The following CPA6 variants were observed in gnomAD, a reference collection of about 807,000 sequenced individuals.
The protein encoded by CPA6 is carboxypeptidase B.
Under a neutral mutation model 63.3 loss-of-function variants are expected in CPA6, and 58 were observed. That is an observed-to-expected ratio of 0.92 (90% CI 0.74 to 1.14). The LOEUF (loss-of-function observed/expected upper bound fraction) is 1.14, where lower values mean the gene tolerates loss of function less well. Ranked by LOEUF, CPA6 falls within the 50% of genes most tolerant of loss-of-function variation. The probability of loss-of-function intolerance (pLI) is 0.00; values close to 1 mark genes in which losing one functional copy is unlikely to be tolerated. For missense variants in CPA6, 565 were observed against 526.6 expected, an observed-to-expected ratio of 1.07 and a Z score of -0.71; for synonymous variants, 185 against 179.0, an observed-to-expected ratio of 1.03 and a Z score of -0.27.
At chr8:67,485,096 A>G (rs1219069252) in intron 6 of CPA6, among the ~76,000 whole-genome samples, 1 of 152,196 alleles carries the variant, frequency 6.6e-6, no homozygotes, top group Non-Finnish European at 1.5e-5. Context: ...TAGGATTTGT[A>G]TAACCACCTG....
intron 8 of CPA6, among the ~76,000 whole-genome samples, chr8:67,476,553 CTTT>C (rs71554607): frequency 1.4e-5 from 2 of 142,010 alleles, no homozygotes; most frequent in African/African-American, 5.2e-5. Context: ...CTCTCTCTCT[CTTT>C]TTTTTTTTTT....
chr8:67,489,618 C>A (rs1420684805), intron 6 of CPA6, among the ~76,000 whole-genome samples: 1 of 151,900 alleles, frequency 6.6e-6, no homozygotes, highest in Non-Finnish European at 1.5e-5. Flanking sequence ...AGAATATAAT[C>A]AATTGTTGTG....
chr8:67,550,201 C>T (rs1305564546), intron 2 of CPA6, among the ~76,000 whole-genome samples: 1 of 152,088 alleles, frequency 6.6e-6, no homozygotes, highest in African/African-American at 2.4e-5. Context: ...CTCCCTTTCT[C>T]CCCTTTTTGT....
chr8:67,528,889 G>A (rs960251659), intron 2 of CPA6, among the ~76,000 whole-genome samples: 5 of 151,536 alleles, frequency 3.3e-5, no homozygotes, highest in African/African-American at 9.7e-5. Flanking sequence ...TCTTAATGTT[G>A]GTATGTTCTG....
intron 2 of CPA6, among the ~76,000 whole-genome samples, chr8:67,592,323 G>T (rs995190438): frequency 6.6e-6 from 1 of 152,122 alleles, no homozygotes; most frequent in Non-Finnish European, 1.5e-5. Context: ...ATCAATGTTT[G>T]TCAAGGATAT....
At chr8:67,651,461 A>T (rs940455804) in intron 1 of CPA6, among the ~76,000 whole-genome samples, 9 of 151,888 alleles carry the variant, frequency 5.9e-5, no homozygotes, top group Non-Finnish European at 8.8e-5. Flanking sequence ...TTATTTATTT[A>T]TTTTTTAATG....
intron 1 of CPA6, among the ~76,000 whole-genome samples, chr8:67,729,898 A>G (rs1282802614): frequency 6.6e-6 from 1 of 152,212 alleles, no homozygotes; most frequent in Non-Finnish European, 1.5e-5. Context: ...AGGGTGTGCT[A>G]TTCTTACGGG....
chr8:67,512,568 A>G (rs998176711), intron 3 of CPA6, among the ~76,000 whole-genome samples: 4 of 152,196 alleles, frequency 2.6e-5, no homozygotes, highest in African/African-American at 9.7e-5. Context: ...TTGATGTGAC[A>G]TGTGAGTTAG....
intron 1 of CPA6, among the ~76,000 whole-genome samples, chr8:67,712,187 G>T (rs1817277836): frequency 6.6e-6 from 1 of 152,130 alleles, no homozygotes; most frequent in African/African-American, 2.4e-5. Flanking sequence ...TCTAGCCCAT[G>T]GAGGCCTTGG....
intron 9 of CPA6, 96 bp from the exon 10 acceptor site, chr8:67,428,227 G>T: frequency 1.5e-6 from 1 of 664,458 alleles, no homozygotes; most frequent in Non-Finnish European, 2.7e-6. Flanking sequence ...TCACCAGATG[G>T]CTTCATTGGT....
At chr8:67,434,924 C>A (rs1460977367) in intron 8 of CPA6, among the ~76,000 whole-genome samples, 1 of 152,242 alleles carries the variant, frequency 6.6e-6, no homozygotes, top group Non-Finnish European at 1.5e-5. Flanking sequence ...GGGTCCTAGC[C>A]TGGAGCAGGC....
intron 1 of CPA6, among the ~76,000 whole-genome samples, chr8:67,647,235 G>A (rs749304096): frequency 6.6e-6 from 1 of 152,158 alleles, no homozygotes; most frequent in Non-Finnish European, 1.5e-5. Context: ...GTTTCAATGA[G>A]TTTGAGAACA....
chr8:67,661,411 C>T (rs1445434150), intron 1 of CPA6, among the ~76,000 whole-genome samples: 4 of 152,104 alleles, frequency 2.6e-5, no homozygotes, highest in Non-Finnish European at 4.4e-5. Context: ...ATCCAAGGGA[C>T]CGAGGAAGCC....
intron 1 of CPA6, among the ~76,000 whole-genome samples, chr8:67,658,088 G>A (rs767421812): frequency 6.6e-6 from 1 of 151,890 alleles, no homozygotes; most frequent in Non-Finnish European, 1.5e-5. Context: ...TGTCTTTTTT[G>A]TTCCTCCTAC....
chr8:67,446,029 C>T (rs1810403455), intron 8 of CPA6, among the ~76,000 whole-genome samples: 2 of 152,130 alleles, frequency 1.3e-5, no homozygotes, highest in Non-Finnish European at 2.9e-5. Flanking sequence ...CTTTGGGAGG[C>T]CGGGGCGGGC....
intron 8 of CPA6, among the ~76,000 whole-genome samples, chr8:67,471,769 A>C (rs183289052): frequency 4.3e-4 from 65 of 152,340 alleles, no homozygotes; most frequent in African/African-American, 1.5e-3. Flanking sequence ...ATAACAGAAA[A>C]GTTACTTCAT....
intron 2 of CPA6, among the ~76,000 whole-genome samples, chr8:67,519,261 G>A (rs1812212148): frequency 6.6e-6 from 1 of 152,202 alleles, no homozygotes; most frequent in Non-Finnish European, 1.5e-5. Context: ...GCAGATGGAA[G>A]GGACGAGAGC....
At position 67,610,852 on chromosome 8, in the gene CPA6, C is replaced by T. The variant is rs369100305; in HGVS notation, c.192+13324G>A. On this transcript the variant is annotated intron_variant, in intron 2 of 10. Transcript: ENST00000297770. ...AAGGAACTCAAATTGGAAAAGTCTT[C>T]TGCAGAGTGGAAAAACAGAGTTGTT... 2.6e-4 allele frequency among the ~76,000 whole-genome samples: 39 copies of T among 152,278 alleles called. 1 individual carries two copies. In the South Asian group the frequency reaches 7.9e-3, roughly 31 times the overall value.
chr8:67,498,771 T>C (rs1811774224), intron 6 of CPA6, among the ~76,000 whole-genome samples: 2 of 152,110 alleles, frequency 1.3e-5, no homozygotes, highest in Admixed American at 1.3e-4. Flanking sequence ...AAGAGAAAGA[T>C]TTTGCAATCT....
Sources: gnomAD v4.1 joint callset for allele counts (sites outside exome capture counted in the v4.1 genomes callset) on GRCh38, gnomAD v4.1.1 for gene constraint, MANE v1.5 for transcripts, NCBI Gene and HGNC (gene_info 2026-07-23, HGNC 2026-07-21) for gene names.